CAPN2: variants seen among roughly 807,000 people sequenced by gnomAD.
CAPN2 encodes calpain-2 catalytic subunit.
CAPN2 carries 92 observed loss-of-function variants against 102.3 expected under a neutral mutation model. The observed-to-expected ratio is 0.90, with a 90% CI of 0.76 to 1.07. The LOEUF is 1.07. Ranked by LOEUF, CAPN2 falls within the 50% of genes least tolerant of loss-of-function variation. CAPN2 has a pLI of 0.00. For synonymous variants in CAPN2, 340 were observed against 355.4 expected, an observed-to-expected ratio of 0.96 and a Z score of 0.49; for missense variants, 800 against 909.4, an observed-to-expected ratio of 0.88 and a Z score of 1.55.
rs181464419 is a variant in CAPN2 at position 223,731,622 on chromosome 1, A to C, written c.308-12478A>C. 6.6e-6 allele frequency among the ~76,000 whole-genome samples: 1 copy of C among 152,318 alleles called. No homozygotes were observed. Among genetic ancestry groups the C allele is most frequent in the African/African-American group, 2.4e-5 (1 of 41,560 alleles). On this transcript the variant is annotated intron_variant, in intron 2 of 20. Transcript: ENST00000295006. This position sits in a 1 kb window ranked among gnomAD's most constrained non-coding sequence, Gnocchi z 4.2. ...ACCAGCGCCAGTCTCCTCTAGACTG[A>C]GTACAGGCCTGGCACGGAGCCAGGA...
At chr1:223,722,281 CTTTTTTTTTT>C (rs34894876) in intron 2 of CAPN2, among the ~76,000 whole-genome samples, 1 of 85,496 alleles carries the variant, frequency 1.2e-5, no homozygotes, top group South Asian at 5.3e-4. Context: ...TTCTTTCTTT[CTTTTTTTTTT>C]TTTTTTTTTT....
At chr1:223,730,784 G>A (rs1015705193) in intron 2 of CAPN2, among the ~76,000 whole-genome samples, 2 of 152,206 alleles carry the variant, frequency 1.3e-5, no homozygotes, top group Non-Finnish European at 2.9e-5. Context: ...CCTTGACTAA[G>A]GGGGCACCCA....
intron 1 of CAPN2, among the ~76,000 whole-genome samples, chr1:223,703,330 AT>A (rs1659528103): frequency 6.7e-6 from 1 of 149,354 alleles, no homozygotes; most frequent in Admixed American, 6.7e-5. Flanking sequence ...TTTTTTTTAG[AT>A]GGGGGTCTCT....
At chr1:223,715,175 A>C (rs934698224) in intron 1 of CAPN2, among the ~76,000 whole-genome samples, 2 of 152,306 alleles carry the variant, frequency 1.3e-5, no homozygotes, top group Middle Eastern at 3.4e-3. Context: ...TTTCCGCTGG[A>C]TTTGAACACT....
intron 2 of CAPN2, among the ~76,000 whole-genome samples, chr1:223,742,518 ATTTTTT>A (rs199697766): frequency 0.016 from 1,832 of 114,338 alleles, 44 homozygotes; most frequent in African/African-American, 0.052. Flanking sequence ...ATATATATAT[ATTTTTT>A]TTTTTTTTTT....
intron 5 of CAPN2, among the ~76,000 whole-genome samples, chr1:223,748,021 C>G (rs1012924445): frequency 1.3e-5 from 2 of 152,162 alleles, no homozygotes; most frequent in Non-Finnish European, 2.9e-5. Flanking sequence ...GAATCACCCC[C>G]ACCCCTCTGA....
At chr1:223,722,258 CCTTT>C (rs912479852) in intron 2 of CAPN2, among the ~76,000 whole-genome samples, 5 of 147,578 alleles carry the variant, frequency 3.4e-5, no homozygotes, top group Non-Finnish European at 6.0e-5. Flanking sequence ...TATTTCTTTT[CCTTT>C]CTTTCTTTTT....
chr1:223,753,141 G>C (rs1660948116), intron 9 of CAPN2, among the ~76,000 whole-genome samples, 185 bp downstream of exon 9: 1 of 146,638 alleles, frequency 6.8e-6, no homozygotes, highest in Non-Finnish European at 1.5e-5. Context: ...TTCTCCCCGA[G>C]CTCTCTTTCT....
intron 7 of CAPN2, among the ~76,000 whole-genome samples, chr1:223,751,250 C>G (rs1274409508): frequency 2.0e-5 from 3 of 152,164 alleles, no homozygotes; most frequent in Non-Finnish European, 2.9e-5. Flanking sequence ...TTCCCTAGCT[C>G]AAATCCACCC....
chr1:223,706,181 T>C (rs1571772906), intron 1 of CAPN2, among the ~76,000 whole-genome samples: 1 of 152,150 alleles, frequency 6.6e-6, no homozygotes, highest in East Asian at 1.9e-4. Context: ...GCTGGATTTC[T>C]TTCCGGAGTT....
At chr1:223,735,879 A>C (rs1660444469) in intron 2 of CAPN2, among the ~76,000 whole-genome samples, 2 of 151,950 alleles carry the variant, frequency 1.3e-5, no homozygotes, top group African/African-American at 4.8e-5. Flanking sequence ...TCCTGGATTC[A>C]AGTGATTCTC....
intron 16 of CAPN2, among the ~76,000 whole-genome samples, chr1:223,768,654 T>G (rs1392182080): frequency 6.6e-6 from 1 of 151,572 alleles, no homozygotes; most frequent in Non-Finnish European, 1.5e-5. Context: ...GGCTCAGGAT[T>G]GACTTGGCGA....
At chr1:223,729,645 A>G (rs1660281410) in intron 2 of CAPN2, among the ~76,000 whole-genome samples, 1 of 152,212 alleles carries the variant, frequency 6.6e-6, no homozygotes, top group Non-Finnish European at 1.5e-5. Flanking sequence ...GCTCCGAGTC[A>G]CAGGTGGATT....
chr1:223,721,798 CT>C (rs1238567447), intron 2 of CAPN2, among the ~76,000 whole-genome samples: 1 of 152,210 alleles, frequency 6.6e-6, no homozygotes, highest in Non-Finnish European at 1.5e-5. Flanking sequence ...CCCAACCCCT[CT>C]GAGCCTCAGT....
At chr1:223,746,889 G>A (rs1660762774) in intron 4 of CAPN2, 108 bp from the exon 5 acceptor site, 3 of 936,242 alleles carry the variant, frequency 3.2e-6, no homozygotes, top group African/African-American at 3.2e-5. Context: ...AATGTGAGCA[G>A]GGGGTCCCTG....
chr1:223,710,824 A>AC (rs1369946064), upstream of CAPN2, among the ~76,000 whole-genome samples: 127 of 24,758 alleles, frequency 5.1e-3, no homozygotes, highest in African/African-American at 0.019. Flanking sequence ...CCCACCCACC[A>AC]CCCCCCGCCA....
At chr1:223,751,043 G>A in intron 7 of CAPN2, 68 bp downstream of exon 7, 1 of 1,268,358 alleles carries the variant, frequency 7.9e-7, no homozygotes, top group Non-Finnish European at 1.1e-6. Flanking sequence ...TGGGAAGAGG[G>A]CGAGAGAAGA....
In CAPN2 at chr1:223,746,475, C is replaced by CTTTTTTTTT. The variant is rs60366533; in HGVS notation, c.561-509_561-501dup. ...TCCGACTCTAAGGTTCTACGAGAAT[C>CTTTTTTTTT]TTTTTTTTTTTTTTTTTTTTTAATA... On this transcript the variant is annotated intron_variant, in intron 4 of 20. Transcript: ENST00000295006. Among the ~76,000 whole-genome samples the CTTTTTTTTT allele has an allele frequency of 2.8e-4, 30 of 108,460 alleles. 3 individuals are homozygous for CTTTTTTTTT. The highest frequency in any genetic ancestry group is 1.1e-3 in the African/African-American group (25 of 22,590). 71.2% of individuals were successfully genotyped at this position (108,460 alleles called of 152,430 possible). A position where few individuals can be genotyped will look rare whatever the true frequency, so the allele number is the denominator to read the frequency against.
In CAPN2 at chr1:223,720,993, A is replaced by C. The variant is rs529858972; in HGVS notation, c.307+3162A>C. ...CTCAGTTCCCCCAGGGAACTTGGGC[A>C]GGTGACATTCTTAGACTTGTGCACT... On this transcript the variant is annotated intron_variant, in intron 2 of 20. Coordinates refer to ENST00000295006, the MANE Select transcript of CAPN2 (RefSeq NM_001748.5). 3.3e-5 allele frequency among the ~76,000 whole-genome samples: 5 copies of C among 152,304 alleles called. No homozygotes were observed. In the South Asian group the frequency reaches 1.0e-3, roughly 32 times the overall value.
Sources: gnomAD v4.1 joint callset for allele counts (sites outside exome capture counted in the v4.1 genomes callset) on GRCh38, gnomAD v4.1.1 for gene constraint, Gnocchi (gnomAD v3.1) non-coding constraint, MANE v1.5 for transcripts, NCBI Gene and HGNC (gene_info 2026-07-23, HGNC 2026-07-21) for gene names.